ERC2: variants seen among roughly 807,000 people sequenced by gnomAD.
The protein encoded by ERC2 is ERC protein 2.
A neutral mutation model predicts 114.8 loss-of-function variants in ERC2; 42 were observed. That is an observed-to-expected ratio of 0.37 (90% confidence interval 0.29 to 0.47). The LOEUF (loss-of-function observed/expected upper bound fraction) is 0.47. ERC2 is among the 20% of genes least tolerant of loss of function. The probability of loss-of-function intolerance (pLI) is 0.99; values close to 1 mark genes in which losing one functional copy is unlikely to be tolerated. For synonymous variants in ERC2, 454 were observed against 425.5 expected, an observed-to-expected ratio of 1.07 and a Z score of -0.82; for missense variants, 939 against 1,150.7, an observed-to-expected ratio of 0.82 and a Z score of 2.66.
intron 2 of ERC2, among the ~76,000 whole-genome samples, chr3:56,360,061 C>CTT (rs5849149): frequency 0.058 from 5,722 of 99,118 alleles, 509 homozygotes; most frequent in African/African-American, 0.099. Context: ...TAACAAAAAT[C>CTT]TTTTTTTTTT....
intron 14 of ERC2, among the ~76,000 whole-genome samples, chr3:55,819,790 G>A (rs1040524557): frequency 2.6e-5 from 4 of 152,204 alleles, no homozygotes; most frequent in African/African-American, 9.6e-5. Flanking sequence ...TCTCTGCCCC[G>A]TTTGATGTCC....
intron 3 of ERC2, among the ~76,000 whole-genome samples, chr3:56,245,876 C>T (rs2051660810): frequency 6.6e-6 from 1 of 151,992 alleles, no homozygotes; most frequent in Admixed American, 6.6e-5. Flanking sequence ...AATTTCCTTC[C>T]CTACCTGAAT....
intron 14 of ERC2, among the ~76,000 whole-genome samples, chr3:55,744,580 G>A (rs560644822): frequency 1.2e-3 from 183 of 152,268 alleles, no homozygotes; most frequent in African/African-American, 4.1e-3. Context: ...CTTTCAGACC[G>A]ATTGCGGGCC....
At chr3:55,912,315 G>T (rs1011092345) in intron 13 of ERC2, among the ~76,000 whole-genome samples, 3 of 152,134 alleles carry the variant, frequency 2.0e-5, no homozygotes, top group Non-Finnish European at 4.4e-5. Context: ...TGATGACCAT[G>T]GAGGTTGCCA....
chr3:56,024,054 T>C (rs1295568343), intron 7 of ERC2, among the ~76,000 whole-genome samples: 5 of 152,210 alleles, frequency 3.3e-5, no homozygotes, highest in Admixed American at 6.5e-5. Context: ...ACTAATAAAA[T>C]TTATCTTCTC....
chr3:56,239,208 A>T (rs1308939577), intron 3 of ERC2, among the ~76,000 whole-genome samples: 1 of 152,226 alleles, frequency 6.6e-6, no homozygotes, highest in Non-Finnish European at 1.5e-5. Context: ...CTCAGCATCC[A>T]AACAATAACT....
intron 2 of ERC2, among the ~76,000 whole-genome samples, chr3:56,348,749 T>C (rs1022282416): frequency 4.0e-5 from 6 of 151,786 alleles, no homozygotes; most frequent in African/African-American, 1.5e-4. Context: ...TTGACAAAGA[T>C]TTGACGATTG....
intron 6 of ERC2, among the ~76,000 whole-genome samples, chr3:56,091,791 T>C (rs981052451): frequency 6.6e-6 from 1 of 152,160 alleles, no homozygotes; most frequent in Non-Finnish European, 1.5e-5. Flanking sequence ...TTTGGTCATC[T>C]CAATTGAGCC....
chr3:56,406,362 T>C (rs1474465353), intron 2 of ERC2, among the ~76,000 whole-genome samples: 1 of 152,166 alleles, frequency 6.6e-6, no homozygotes, highest in Non-Finnish European at 1.5e-5. Flanking sequence ...CCTTCTCCAG[T>C]GGTGTGAGGA....
At chr3:56,075,333 G>C (rs1019381335) in intron 7 of ERC2, among the ~76,000 whole-genome samples, 1 of 152,140 alleles carries the variant, frequency 6.6e-6, no homozygotes, top group Non-Finnish European at 1.5e-5. Context: ...GGGTGAGGGA[G>C]AGCAGCCGTC....
intron 3 of ERC2, among the ~76,000 whole-genome samples, chr3:56,264,873 C>G (rs2053191775): frequency 6.9e-6 from 1 of 145,694 alleles, no homozygotes; most frequent in Admixed American, 6.8e-5. Flanking sequence ...ATTTCAAAAG[C>G]AACAAAATAG....
intron 17 of ERC2, among the ~76,000 whole-genome samples, chr3:55,538,547 T>C (rs1284375598): frequency 2.0e-5 from 3 of 152,240 alleles, no homozygotes; most frequent in Admixed American, 6.5e-5. Flanking sequence ...TTTTTCCATT[T>C]TAATTTTTAG....
intron 3 of ERC2, among the ~76,000 whole-genome samples, chr3:56,270,553 T>C (rs2053590864): frequency 6.6e-6 from 1 of 152,228 alleles, no homozygotes; most frequent in Admixed American, 6.5e-5. Context: ...GAAATGTGAC[T>C]ATCATGGCCA....
At chr3:55,682,961 A>G (rs2062130777) in intron 17 of ERC2, among the ~76,000 whole-genome samples, 1 of 152,238 alleles carries the variant, frequency 6.6e-6, no homozygotes, top group African/African-American at 2.4e-5. Context: ...AGACTTCAGT[A>G]TTCCATTCAT....
chr3:56,360,564 C>A (rs1405444930), intron 2 of ERC2, among the ~76,000 whole-genome samples: 1 of 152,158 alleles, frequency 6.6e-6, no homozygotes, highest in East Asian at 1.9e-4. Context: ...GCAGAGAAAG[C>A]TTCACAGAAG....
intron 13 of ERC2, among the ~76,000 whole-genome samples, chr3:55,936,501 C>T (rs1170979499): frequency 1.3e-5 from 2 of 152,102 alleles, no homozygotes; most frequent in African/African-American, 4.8e-5. Context: ...AAGACAGAAA[C>T]ATAAAGAAAG....
At chr3:55,789,367 A>G (rs1050642940) in intron 14 of ERC2, among the ~76,000 whole-genome samples, 5 of 152,204 alleles carry the variant, frequency 3.3e-5, no homozygotes, top group African/African-American at 9.6e-5. Context: ...TATCAACACC[A>G]TCAGCCTTGT....
At chr3:56,359,808 G>A (rs2058880689) in intron 2 of ERC2, among the ~76,000 whole-genome samples, 1 of 147,730 alleles carries the variant, frequency 6.8e-6, no homozygotes, top group Non-Finnish European at 1.5e-5. Flanking sequence ...GCAAGAGAGA[G>A]AGGATGGAGG....
At chr3:56,277,272 C>G (rs1327062129) in intron 3 of ERC2, among the ~76,000 whole-genome samples, 2 of 152,100 alleles carry the variant, frequency 1.3e-5, no homozygotes, top group Non-Finnish European at 2.9e-5. Context: ...CAGAGATATG[C>G]CCTAATTCTA....
Sources: allele counts gnomAD v4.1 joint callset (sites outside exome capture counted in the v4.1 genomes callset), GRCh38; gene constraint gnomAD v4.1.1; transcripts MANE v1.5; gene names NCBI Gene and HGNC (gene_info 2026-07-23, HGNC 2026-07-21).